The following WDR7 variants were observed in gnomAD, a reference collection of about 807,000 sequenced individuals.
WDR7 encodes the protein WD repeat domain 7.
A neutral mutation model predicts 169.4 loss-of-function variants in WDR7; 46 were observed. That is an observed-to-expected ratio of 0.27 (90% CI 0.21 to 0.35). The LOEUF is 0.35. Ranked by LOEUF, WDR7 falls within the 10% of genes least tolerant of loss-of-function variation. The pLI is 1.00. For missense variants in WDR7, 1,534 were observed against 1,859.3 expected, an observed-to-expected ratio of 0.83 and a Z score of 3.22; for synonymous variants, 612 against 666.8, an observed-to-expected ratio of 0.92 and a Z score of 1.27.
chr18:56,929,486 C>T (rs1052203310), intron 22 of WDR7, among the ~76,000 whole-genome samples: 5 of 152,144 alleles, frequency 3.3e-5, no homozygotes, highest in African/African-American at 9.7e-5. Flanking sequence ...ATCTTTTCAA[C>T]ATCATCTGAT....
At chr18:56,751,996 T>C (rs1476985221) in intron 14 of WDR7, among the ~76,000 whole-genome samples, 1 of 152,212 alleles carries the variant, frequency 6.6e-6, no homozygotes, top group African/African-American at 2.4e-5. Flanking sequence ...TAGCCAACAT[T>C]GCTGGTAGAT....
intron 14 of WDR7, among the ~76,000 whole-genome samples, chr18:56,744,265 A>AAG (rs1282200941): frequency 7.9e-6 from 1 of 125,972 alleles, no homozygotes; most frequent in Non-Finnish European, 1.6e-5. Flanking sequence ...AAAAAAAAAA[A>AAG]AAAAGAAAGA....
chr18:56,866,771 C>G (rs1401135450), intron 20 of WDR7, among the ~76,000 whole-genome samples: 2 of 152,010 alleles, frequency 1.3e-5, no homozygotes. Context: ...AAGTTTATCT[C>G]CTCTTGACTT....
chr18:56,975,927 G>A (rs1204138974), intron 26 of WDR7, among the ~76,000 whole-genome samples: 1 of 152,166 alleles, frequency 6.6e-6, no homozygotes, highest in Non-Finnish European at 1.5e-5. Flanking sequence ...AATTGTTAGT[G>A]ACTGACTTCA....
At chr18:56,908,319 A>G (rs1174954588) in intron 21 of WDR7, among the ~76,000 whole-genome samples, 1 of 152,298 alleles carries the variant, frequency 6.6e-6, no homozygotes, top group East Asian at 1.9e-4. Context: ...TGATCATTCA[A>G]ATTAATTTCT....
intron 14 of WDR7, among the ~76,000 whole-genome samples, chr18:56,742,572 G>A (rs1427819985): frequency 6.6e-6 from 1 of 152,190 alleles, no homozygotes; most frequent in East Asian, 1.9e-4. Context: ...ACTAGGTACT[G>A]TGTTAGGTCC....
At chr18:56,731,278 A>T (rs918139301) in intron 13 of WDR7, 105 bp from the exon 14 acceptor site, 496 of 1,336,598 alleles carry the variant, frequency 3.7e-4, no homozygotes, top group Admixed American at 8.1e-4. Context: ...AGGCATTGAT[A>T]AAACATGTTT....
Position 56,672,604 on chromosome 18 carries a change from A to T in WDR7, c.89A>T (p.Asp30Val). ...HCISAVLLTD[D>V]GATIVTGCHD... ...ATCTCAGCCGTACTTTTAACAGATG[A>T]TGGGGCCACGATCGTAACAGGATGT... Residue 30 changes from aspartate (D) to valine (V), a missense_variant, in exon 2 of 28, where the codon GAT becomes GTT. Coordinates refer to ENST00000254442, the MANE Select transcript of WDR7 (RefSeq NM_015285.3). The T allele has an allele frequency of 6.2e-7, 1 of 1,613,576 alleles. No homozygotes were observed. The highest frequency in any genetic ancestry group is 1.1e-5 in the South Asian group (1 of 91,020).
intron 16 of WDR7, among the ~76,000 whole-genome samples, chr18:56,771,310 CTT>C (rs1191160213): frequency 2.0e-5 from 3 of 152,112 alleles, no homozygotes; most frequent in Non-Finnish European, 2.9e-5. Flanking sequence ...TTTGGACTAA[CTT>C]TAACAGTTTC....
rs548067376 is a variant in WDR7 at position 56,757,152 on chromosome 18, G to T, written c.2559G>T (p.Gln853His). The T allele has an allele frequency of 3.1e-6, 5 of 1,614,094 alleles. No individual in the cohort carries two copies. The highest frequency in any genetic ancestry group is 4.2e-6 in the Non-Finnish European group (5 of 1,180,026). ...HMSLMLPGYN[Q>H]PACKLSHGKT... Reference sequence around the variant, plus strand: ...CACTGATGCTGCCGGGTTATAATCAGCCTGCTTGTAAACTGTCACATGGGA... The same window carrying T: ...CACTGATGCTGCCGGGTTATAATCATCCTGCTTGTAAACTGTCACATGGGA... The change falls in exon 15 of 28, where the codon CAG becomes CAT. Residue 853 changes from glutamine to histidine, a missense_variant. Coordinates refer to ENST00000254442, the MANE Select transcript of WDR7 (RefSeq NM_015285.3).
At chr18:56,683,098 G>T (rs2025381101) in intron 5 of WDR7, among the ~76,000 whole-genome samples, 1 of 152,108 alleles carries the variant, frequency 6.6e-6, no homozygotes, top group African/African-American at 2.4e-5. Context: ...AGAGTATATG[G>T]GTGATTATCT....
chr18:56,670,986 C>T (rs1167141911), intron 1 of WDR7, among the ~76,000 whole-genome samples: 2 of 152,132 alleles, frequency 1.3e-5, no homozygotes, highest in African/African-American at 4.8e-5. Flanking sequence ...TCTTTGACCA[C>T]AGTTTTTAAC....
At chr18:56,836,410 C>G (rs1012746093) in intron 20 of WDR7, among the ~76,000 whole-genome samples, 1 of 152,214 alleles carries the variant, frequency 6.6e-6, no homozygotes, top group Non-Finnish European at 1.5e-5. Context: ...AGTTTTAGGG[C>G]GGATCCTGTC....
intron 14 of WDR7, among the ~76,000 whole-genome samples, chr18:56,747,489 A>G (rs112887227): frequency 8.5e-5 from 13 of 152,282 alleles, no homozygotes; most frequent in African/African-American, 3.1e-4. Flanking sequence ...AACCAGCTGG[A>G]GAGGGCATCA....
intron 12 of WDR7, among the ~76,000 whole-genome samples, chr18:56,706,714 G>A (rs150080460): frequency 0.01 from 1,551 of 151,672 alleles, 27 homozygotes; most frequent in South Asian, 0.051. Context: ...TTGAGATGGA[G>A]TCTCGCTCTG....
At chr18:56,930,804 A>G (rs368357410) in intron 22 of WDR7, among the ~76,000 whole-genome samples, 1 of 152,194 alleles carries the variant, frequency 6.6e-6, no homozygotes, top group African/African-American at 2.4e-5. Flanking sequence ...AGGCTATTCA[A>G]TGAAAGTTTA....
intron 14 of WDR7, among the ~76,000 whole-genome samples, chr18:56,744,265 AAAAAG>A (rs201983729): frequency 1.4e-3 from 172 of 126,072 alleles, no homozygotes; most frequent in East Asian, 4.9e-3. Flanking sequence ...AAAAAAAAAA[AAAAAG>A]AAAGAGCACA....
At chr18:56,918,831 C>A (rs1442307731) in intron 21 of WDR7, among the ~76,000 whole-genome samples, 1 of 152,194 alleles carries the variant, frequency 6.6e-6, no homozygotes, top group Non-Finnish European at 1.5e-5. Context: ...ACCAAAGCAA[C>A]AATTATATAT....
intron 20 of WDR7, among the ~76,000 whole-genome samples, chr18:56,876,779 GAAGA>G (rs1248679292): frequency 6.6e-6 from 1 of 152,034 alleles, no homozygotes; most frequent in African/African-American, 2.4e-5. Flanking sequence ...AAGCAAAACA[GAAGA>G]AAGAGATAAT....
Sources: allele counts gnomAD v4.1 joint callset (sites outside exome capture counted in the v4.1 genomes callset), GRCh38; gene constraint gnomAD v4.1.1; transcripts MANE v1.5; gene names NCBI Gene and HGNC (gene_info 2026-07-23, HGNC 2026-07-21).